Variants in UBE2Q2 observed in about 807,000 individuals in gnomAD.
UBE2Q2 encodes the protein ubiquitin conjugating enzyme E2 Q2, also known as ubiquitin-conjugating enzyme E2 Q2.
UBE2Q2 carries 54 observed loss-of-function variants against 59.9 expected under a neutral mutation model. That is an observed-to-expected ratio of 0.90 (90% CI 0.72 to 1.13). The LOEUF (loss-of-function observed/expected upper bound fraction) is 1.13. Among genes scored for constraint, UBE2Q2 ranks in the 50% most tolerant of loss-of-function variants. The probability of loss-of-function intolerance (pLI) is 0.00; values close to 1 mark genes in which losing one functional copy is unlikely to be tolerated. For synonymous variants in UBE2Q2, 165 were observed against 155.2 expected, an observed-to-expected ratio of 1.06 and a Z score of -0.47; for missense variants, 433 against 441.9, an observed-to-expected ratio of 0.98 and a Z score of 0.18.
In UBE2Q2 at chr15:75,890,494, T is replaced by TGG; in HGVS notation, c.933+11_933+12insGG. ...CTTCTCACAAAACAGGTGACTTTTC[T>TGG]TACGATACTCCATTTTCACCCACAA... On this transcript the variant is annotated intron_variant, in intron 10 of 12. Transcript: ENST00000267938. 6.2e-7 allele frequency: 1 copy of TGG among 1,607,866 alleles called. No homozygotes were observed. The highest frequency in any genetic ancestry group is 8.5e-7 in the Non-Finnish European group (1 of 1,177,998).
intron 6 of UBE2Q2, among the ~76,000 whole-genome samples, chr15:75,877,205 T>C (rs1204769214): frequency 1.3e-5 from 2 of 148,222 alleles, no homozygotes; most frequent in African/African-American, 4.9e-5. Context: ...GATTCAATTC[T>C]AGCATTATGA....
chr15:75,855,238 C>A (rs980847166), intron 2 of UBE2Q2, among the ~76,000 whole-genome samples: 8 of 152,158 alleles, frequency 5.3e-5, no homozygotes, highest in African/African-American at 1.9e-4. Context: ...CGCCTGTAAT[C>A]TCAGCACTTT....
chr15:75,878,429 A>C (rs11439832), intron 7 of UBE2Q2: 666 of 42,444 alleles, frequency 0.016, no homozygotes, highest in Middle Eastern at 0.037. Flanking sequence ...TCATCTCTAC[A>C]AAAAAAAAAA....
intron 7 of UBE2Q2, 38 bp from the exon 8 acceptor site, chr15:75,879,060 C>G: frequency 1.4e-6 from 2 of 1,431,100 alleles, no homozygotes; most frequent in Non-Finnish European, 1.9e-6. Context: ...AAATCTCTAA[C>G]TTTTTATTTG....
chr15:75,874,714 T>C (rs1897980834), intron 5 of UBE2Q2, among the ~76,000 whole-genome samples: 1 of 152,242 alleles, frequency 6.6e-6, no homozygotes, highest in African/African-American at 2.4e-5. Context: ...ACCTTTTGGA[T>C]GATTGCTATC....
rs201445418 is a variant in UBE2Q2, at chr15:75,844,420, T to C, written c.180+574T>C. 7.0e-5 allele frequency: 108 copies of C among 1,551,506 alleles called. 1 individual carries two copies. In the African/African-American group the frequency reaches 1.4e-3, roughly 20 times the overall value. On this transcript the variant is annotated intron_variant, in intron 1 of 12. Transcript: ENST00000267938. ...ACTCTGGTGCTGTTTGAGCGACCCC[T>C]CTCCCCCGGGCCTGGCTGCGCGCTG... is the stretch of plus-strand genomic sequence containing the variant.
chr15:75,877,454 CA>C (rs1456401965), intron 6 of UBE2Q2, among the ~76,000 whole-genome samples: 4 of 149,580 alleles, frequency 2.7e-5, no homozygotes, highest in Non-Finnish European at 5.9e-5. Flanking sequence ...GTTAAATAAT[CA>C]TTTGTTTCAG....
In UBE2Q2 at chr15:75,854,122, T is replaced by G. The variant is rs1398099083; in HGVS notation, c.181-264T>G. ...CAAGGGTGTGAATGCCAGGAGGTGA[T>G]GGTGATCGGGGCCATTTTAGAGGCT... On this transcript the variant is annotated intron_variant, in intron 1 of 12. Coordinates refer to ENST00000267938, the MANE Select transcript of UBE2Q2 (RefSeq NM_173469.4). Among the ~76,000 whole-genome samples the G allele has an allele frequency of 2.6e-5, 4 of 152,158 alleles. No individual in the cohort carries two copies. In the South Asian group the frequency reaches 8.3e-4, roughly 32 times the overall value.
chr15:75,852,102 C>T (rs1240183823), intron 1 of UBE2Q2, among the ~76,000 whole-genome samples: 1 of 152,074 alleles, frequency 6.6e-6, no homozygotes, highest in African/African-American at 2.4e-5. Flanking sequence ...GTCTTGAACT[C>T]CTGGGCTCAA....
At chr15:75,849,380 T>G (rs988683135) in intron 1 of UBE2Q2, among the ~76,000 whole-genome samples, 2 of 152,204 alleles carry the variant, frequency 1.3e-5, no homozygotes, top group Non-Finnish European at 2.9e-5. Context: ...ATGAAATCCC[T>G]GAAGATAGCT....
rs750954836 is a variant in UBE2Q2 at position 75,891,033 on chromosome 15, T to C, written c.1029+19T>C. ...AAATAAGGTACTTCTGTTAAGAATT[T>C]TACATAAACCATAAGATACATTTTA... is the stretch of plus-strand genomic sequence containing the variant. On this transcript the variant is annotated intron_variant, in intron 11 of 12. Transcript: ENST00000267938. The C allele has an allele frequency of 1.9e-6, 3 of 1,573,578 alleles. No homozygotes were observed. The highest frequency in any genetic ancestry group is 2.6e-6 in the Non-Finnish European group (3 of 1,145,158).
chr15:75,857,756 GCA>G (rs1896991819), intron 2 of UBE2Q2, among the ~76,000 whole-genome samples: 1 of 121,326 alleles, frequency 8.2e-6, no homozygotes, highest in Non-Finnish European at 1.8e-5. Context: ...TCTGTTGTAG[GCA>G]AAAAAAAAAA....
chr15:75,873,473 A>C lies in UBE2Q2; in HGVS notation c.493A>C (p.Ile165Leu), dbSNP rs745527951. ...DHYEMKEEEP[I>L]SGKKSEDEGI... ...CTATGAGATGAAGGAAGAAGAGCCTATTAGTGGGAAAAAGTCAGAGGATGA... is the reference window on the plus strand; with the variant it reads ...CTATGAGATGAAGGAAGAAGAGCCTCTTAGTGGGAAAAAGTCAGAGGATGA... Residue 165 changes from isoleucine (I) to leucine (L), a missense_variant, in exon 5 of 13, where the codon ATT becomes CTT. Physicochemically the swap from Ile to Leu is conservative, Grantham distance 5 (BLOSUM62 2). Coordinates refer to ENST00000267938, the MANE Select transcript of UBE2Q2 (RefSeq NM_173469.4). 6.2e-7 allele frequency: 1 copy of C among 1,613,716 alleles called. No homozygotes were observed. Among genetic ancestry groups the C allele is most frequent in the Non-Finnish European group, 8.5e-7 (1 of 1,179,904 alleles).
chr15:75,850,995 T>C lies in UBE2Q2; in HGVS notation c.181-3391T>C, dbSNP rs538516165. On this transcript the variant is annotated intron_variant, in intron 1 of 12. Coordinates refer to ENST00000267938, the MANE Select transcript of UBE2Q2 (RefSeq NM_173469.4). The stretch of plus-strand genomic sequence containing the variant: ...TTTTGCAAATTTCATTGATGTTTGC[T>C]CTGTCATTTGCTTTTGCATTTAATT... Among the ~76,000 whole-genome samples the C allele has an allele frequency of 1.1e-4, 16 of 152,370 alleles. No homozygotes were observed. The East Asian group carries it at 3.1e-3, about 29-fold the overall frequency.
intron 9 of UBE2Q2, among the ~76,000 whole-genome samples, chr15:75,889,500 A>AGAT (rs1374916056): frequency 8.5e-5 from 13 of 152,286 alleles, no homozygotes; most frequent in African/African-American, 2.9e-4. Flanking sequence ...CTGGAATGGA[A>AGAT]GATGTGCAGG....
In UBE2Q2 at chr15:75,844,734, G is replaced by A. The variant is rs1471556693; in HGVS notation, c.180+888G>A. 1.6e-5 allele frequency: 6 copies of A among 381,620 alleles called. No individual in the cohort carries two copies. The East Asian group carries it at 2.9e-4, about 19-fold the overall frequency. The allele number at this position is 381,620 out of a possible 1,614,324, so 23.6% of individuals were successfully genotyped here. The stretch of plus-strand genomic sequence containing the variant: ...TGAAGCTATTCGTCGTGAAATTGAT[G>A]TAGGATATTGGTCCAAACTGCAGAA... On this transcript the variant is annotated intron_variant, in intron 1 of 12. Coordinates refer to ENST00000267938, the MANE Select transcript of UBE2Q2 (RefSeq NM_173469.4).
chr15:75,857,680 C>A (rs895756841), intron 2 of UBE2Q2, among the ~76,000 whole-genome samples: 2 of 150,504 alleles, frequency 1.3e-5, no homozygotes, highest in South Asian at 4.2e-4. Flanking sequence ...TTCCTGCATT[C>A]TTAATGTCCA....
At chr15:75,849,658 G>T (rs898694152) in intron 1 of UBE2Q2, among the ~76,000 whole-genome samples, 8 of 152,164 alleles carry the variant, frequency 5.3e-5, no homozygotes, top group African/African-American at 1.7e-4. Context: ...TTTGAAATTT[G>T]TCCACTTACA....
At chr15:75,856,720 G>A (rs1405939991) in intron 2 of UBE2Q2, among the ~76,000 whole-genome samples, 1 of 152,172 alleles carries the variant, frequency 6.6e-6, no homozygotes, top group African/African-American at 2.4e-5. Context: ...CAGGCAGGCG[G>A]ATCAGTTGAG....
Sources: gnomAD v4.1 joint callset for allele counts (sites outside exome capture counted in the v4.1 genomes callset) on GRCh38, gnomAD v4.1.1 for gene constraint, MANE v1.5 for transcripts, NCBI Gene and HGNC (gene_info 2026-07-23, HGNC 2026-07-21) for gene names.